The following SPIDR variants were observed in gnomAD, a reference collection of about 807,000 sequenced individuals.
The protein encoded by SPIDR is DNA repair-scaffolding protein.
Under a neutral mutation model 104.6 loss-of-function variants are expected in SPIDR, and 93 were observed. The observed-to-expected ratio is 0.89, with a 90% CI of 0.75 to 1.06. The LOEUF (loss-of-function observed/expected upper bound fraction) is 1.06. SPIDR is among the 50% of genes least tolerant of loss of function. The probability of loss-of-function intolerance (pLI) is 0.00; values close to 1 mark genes in which losing one functional copy is unlikely to be tolerated. For synonymous variants in SPIDR, 431 were observed against 416.9 expected (o/e 1.03, Z -0.41); for missense variants, 1,154 against 1,111.2 (o/e 1.04, Z -0.55).
chr8:47,732,125 T>C, intron 19 of SPIDR: 1 of 702,572 alleles, frequency 1.4e-6, no homozygotes, highest in Admixed American at 2.0e-5. Context: ...CCACCCCTCT[T>C]TAGAGATCCA....
At chr8:47,602,726 T>C (rs927969715) in intron 10 of SPIDR, among the ~76,000 whole-genome samples, 9 of 152,222 alleles carry the variant, frequency 5.9e-5, no homozygotes, top group African/African-American at 2.2e-4. Flanking sequence ...AGCTGACAGC[T>C]CAATTAGTGC....
chr8:47,694,979 T>G (rs1436351013), intron 11 of SPIDR, among the ~76,000 whole-genome samples: 5 of 152,084 alleles, frequency 3.3e-5, no homozygotes, highest in Non-Finnish European at 5.9e-5. Context: ...CAAAAACATA[T>G]TTAGCAATGA....
intron 8 of SPIDR, among the ~76,000 whole-genome samples, chr8:47,525,110 C>A (rs2084770969): frequency 6.6e-6 from 1 of 152,226 alleles, no homozygotes; most frequent in Admixed American, 6.5e-5. Context: ...AAAACTGAAT[C>A]TGGTCATTGT....
chr8:47,346,555 T>G (rs2052093986), intron 5 of SPIDR, among the ~76,000 whole-genome samples: 3 of 152,196 alleles, frequency 2.0e-5, no homozygotes, highest in East Asian at 1.9e-4. Flanking sequence ...CCAGCTCCTC[T>G]TTGTACCTCT....
At chr8:47,680,617 T>G (rs2076975355) in intron 11 of SPIDR, among the ~76,000 whole-genome samples, 1 of 152,218 alleles carries the variant, frequency 6.6e-6, no homozygotes, top group Non-Finnish European at 1.5e-5. Context: ...TTGATTTTCC[T>G]TCTTCAAAAA....
chr8:47,576,475 C>T (rs918354552), intron 8 of SPIDR, among the ~76,000 whole-genome samples: 1 of 149,160 alleles, frequency 6.7e-6, no homozygotes, highest in Non-Finnish European at 1.5e-5. Context: ...ACTCTATTGC[C>T]AAGGGTGGAG....
At chr8:47,608,084 A>AC (rs1317173777) in intron 10 of SPIDR, among the ~76,000 whole-genome samples, 1 of 152,098 alleles carries the variant, frequency 6.6e-6, no homozygotes, top group Admixed American at 6.6e-5. Context: ...TCAAAAAGAA[A>AC]CCCCATACCA....
chr8:47,599,548 A>T (rs967792945), intron 10 of SPIDR, among the ~76,000 whole-genome samples: 8 of 152,234 alleles, frequency 5.3e-5, no homozygotes, highest in African/African-American at 1.7e-4. Flanking sequence ...CCAGTTTTAT[A>T]TGTCTCGAAA....
intron 8 of SPIDR, among the ~76,000 whole-genome samples, chr8:47,586,849 AC>A (rs2060306016): frequency 6.6e-6 from 1 of 152,100 alleles, no homozygotes; most frequent in East Asian, 1.9e-4. Context: ...GCTCACTGCA[AC>A]CTCCGCCTCC....
intron 7 of SPIDR, among the ~76,000 whole-genome samples, chr8:47,418,210 G>C (rs2064726155): frequency 6.6e-6 from 1 of 152,102 alleles, no homozygotes; most frequent in South Asian, 2.1e-4. Flanking sequence ...AAATTACCTT[G>C]GACAGTATGC....
chr8:47,720,683 TTTAAGTG>T (rs2083264247), intron 16 of SPIDR, among the ~76,000 whole-genome samples: 1 of 152,208 alleles, frequency 6.6e-6, no homozygotes, highest in Non-Finnish European at 1.5e-5. Flanking sequence ...ATTGTTGAGT[TTTAAGTG>T]TTAACAGTCC....
intron 2 of SPIDR, among the ~76,000 whole-genome samples, chr8:47,283,602 T>C (rs2038240779): frequency 6.6e-6 from 1 of 152,206 alleles, no homozygotes; most frequent in African/African-American, 2.4e-5. Flanking sequence ...AAATGCTTTA[T>C]CTATGAAGCA....
chr8:47,317,187 G>A (rs2045540188), intron 5 of SPIDR, among the ~76,000 whole-genome samples: 1 of 152,154 alleles, frequency 6.6e-6, no homozygotes, highest in African/African-American at 2.4e-5. Flanking sequence ...AGGGGTCAGG[G>A]AATTCCCTTT....
In SPIDR at chr8:47,673,457, A is replaced by T. The variant is rs560083393; in HGVS notation, c.1545-344A>T. ...GAAAAGGACACTCTGTTTCTAGGTA[A>T]TGTATTTGGTTTAAGAGAATGGTCA... On this transcript the variant is annotated intron_variant, in intron 10 of 19. Coordinates refer to ENST00000297423, the MANE Select transcript of SPIDR (RefSeq NM_001080394.4). 2.6e-4 allele frequency: 122 copies of T among 467,102 alleles called. 1 individual carries two copies. Among genetic ancestry groups the T allele is most frequent in the African/African-American group, 2.1e-3 (109 of 50,706 alleles). The allele number at this position is 467,102 out of a possible 1,614,324, so 28.9% of individuals were successfully genotyped here.
At chr8:47,692,374 C>T (rs1364312727) in intron 11 of SPIDR, among the ~76,000 whole-genome samples, 2 of 152,026 alleles carry the variant, frequency 1.3e-5, no homozygotes, top group African/African-American at 4.8e-5. Context: ...TGTGGATTTG[C>T]CCGTTCTGGA....
chr8:47,467,615 T>C (rs2075087798), intron 8 of SPIDR, among the ~76,000 whole-genome samples: 1 of 152,098 alleles, frequency 6.6e-6, no homozygotes, highest in African/African-American at 2.4e-5. Context: ...AAAAACCACA[T>C]GATTATCTCA....
chr8:47,691,851 C>T (rs1229744472), intron 11 of SPIDR, among the ~76,000 whole-genome samples: 1 of 152,174 alleles, frequency 6.6e-6, no homozygotes, highest in Non-Finnish European at 1.5e-5. Flanking sequence ...GAAGCGCAAC[C>T]ACTCCAAAAG....
rs554238760 is a variant in SPIDR at position 47,622,802 on chromosome 8, A to G, written c.1544+23606A>G. Among the ~76,000 whole-genome samples the G allele has an allele frequency of 2.6e-5, 4 of 152,304 alleles. No individual in the cohort carries two copies. The South Asian group carries it at 6.2e-4, about 24-fold the overall frequency. Reference sequence around the variant, plus strand: ...TTCAGTTGACGTTGCAAGTAACCTCATACATTAAAAGGCTAGGTTAGGTCA... The same window carrying G: ...TTCAGTTGACGTTGCAAGTAACCTCGTACATTAAAAGGCTAGGTTAGGTCA... On this transcript the variant is annotated intron_variant, in intron 10 of 19. Coordinates refer to ENST00000297423, the MANE Select transcript of SPIDR (RefSeq NM_001080394.4).
chr8:47,463,517 C>T (rs1464242164), intron 8 of SPIDR, among the ~76,000 whole-genome samples: 1 of 152,080 alleles, frequency 6.6e-6, no homozygotes, highest in African/African-American at 2.4e-5. Context: ...CTTCCTAACT[C>T]ATTCCCTGAG....
Sources: gnomAD v4.1 joint callset for allele counts (sites outside exome capture counted in the v4.1 genomes callset) on GRCh38, gnomAD v4.1.1 for gene constraint, MANE v1.5 for transcripts, NCBI Gene and HGNC (gene_info 2026-07-23, HGNC 2026-07-21) for gene names.